COBL: variants seen among roughly 807,000 people sequenced by gnomAD.
COBL encodes protein cordon-bleu.
A neutral mutation model predicts 98.8 loss-of-function variants in COBL; 51 were observed. The ratio of observed to expected loss-of-function variants is 0.52; its 90% CI spans 0.41 to 0.65. The LOEUF (loss-of-function observed/expected upper bound fraction) is 0.65. Ranked by LOEUF, COBL falls within the 30% of genes least tolerant of loss-of-function variation. The pLI is 0.00. For missense variants in COBL, 1,617 were observed against 1,617.5 expected (o/e 1.00, Z 0.01); for synonymous variants, 634 against 651.7 (o/e 0.97, Z 0.41).
intron 7 of COBL, among the ~76,000 whole-genome samples, chr7:51,056,962 C>T (rs1790814538): frequency 6.6e-6 from 1 of 152,152 alleles, no homozygotes; most frequent in Non-Finnish European, 1.5e-5. Flanking sequence ...AACACTTGGT[C>T]AGTTTTGAAT....
At chr7:51,285,806 T>C (rs544356303) in intron 1 of COBL, among the ~76,000 whole-genome samples, 1 of 152,196 alleles carries the variant, frequency 6.6e-6, no homozygotes, top group Admixed American at 6.5e-5. Context: ...AAAATAAGAA[T>C]GTTGGAGGAA....
At chr7:51,030,470 TAA>T (rs1357166711) in intron 9 of COBL, among the ~76,000 whole-genome samples, 1 of 152,194 alleles carries the variant, frequency 6.6e-6, no homozygotes, top group African/African-American at 2.4e-5. Flanking sequence ...ATCAACAAAT[TAA>T]GAGAAGTCTT....
intron 1 of COBL, among the ~76,000 whole-genome samples, chr7:51,228,110 C>T (rs1794380427): frequency 6.6e-6 from 1 of 152,116 alleles, no homozygotes; most frequent in Non-Finnish European, 1.5e-5. Context: ...CACCATCCAC[C>T]ACATCCTGGT....
In COBL at chr7:51,054,627, G is replaced by A. The variant is rs1165727635; in HGVS notation, c.1097-10935C>T. ...CTCTGCCGCTTGGCCAGGGGCCCTC[G>A]GAACCCCTAAGGGAGGCCCCAGATG... On this transcript the variant is annotated intron_variant, in intron 7 of 12. Transcript: ENST00000265136. Among the ~76,000 whole-genome samples, 7 of 152,226 alleles carry A rather than the reference G, an allele frequency of 4.6e-5. No homozygotes were observed. The South Asian group carries it at 6.2e-4, about 14-fold the overall frequency.
chr7:51,316,737 C>T lies in COBL; in HGVS notation c.-104G>A, dbSNP rs907387891. 2.2e-6 allele frequency: 2 copies of T among 916,902 alleles called. No homozygotes were observed. The allele number at this position is 916,902 out of a possible 1,614,324, so 56.8% of individuals were successfully genotyped here. A position where few individuals can be genotyped will look rare whatever the true frequency, so the allele number is the denominator to read the frequency against. On this transcript the variant is annotated 5_prime_UTR_variant, in exon 1 of 13. The change abolishes an upstream ATG in the 5' untranslated region. Transcript: ENST00000265136. ...CTCATTCACTTTTTCCGCGCTGACC[C>T]ATCGTCCTCCCACGCGGGCCGGCGG...
intron 7 of COBL, among the ~76,000 whole-genome samples, chr7:51,084,322 G>T (rs1038827407): frequency 6.6e-6 from 1 of 152,040 alleles, no homozygotes; most frequent in South Asian, 2.1e-4. Context: ...TGGGTTAAAG[G>T]GCATGGTGAG....
At chr7:51,021,833 G>A (rs1209193501) in intron 12 of COBL, among the ~76,000 whole-genome samples, 1 of 152,200 alleles carries the variant, frequency 6.6e-6, no homozygotes, top group Admixed American at 6.5e-5. Flanking sequence ...AATCGCAAAT[G>A]TCTCCTGTGA....
intron 2 of COBL, among the ~76,000 whole-genome samples, chr7:51,211,449 A>G (rs1342943348): frequency 6.6e-6 from 1 of 152,248 alleles, no homozygotes; most frequent in Non-Finnish European, 1.5e-5. Context: ...TACGTGAAGT[A>G]ACATTTTTAA....
chr7:51,061,981 A>ACACACACACACACTCT (rs1322943132), intron 7 of COBL, among the ~76,000 whole-genome samples: 1 of 150,506 alleles, frequency 6.6e-6, no homozygotes, highest in African/African-American at 2.5e-5. Flanking sequence ...ACACACACAC[A>ACACACACACACACTCT]CTCATAAATA....
chr7:51,215,760 A>G (rs918640423), intron 2 of COBL, among the ~76,000 whole-genome samples: 23 of 152,234 alleles, frequency 1.5e-4, no homozygotes, highest in Non-Finnish European at 1.6e-4. Context: ...GGCCAAGGCC[A>G]TGACCTTTCA....
intron 2 of COBL, among the ~76,000 whole-genome samples, chr7:51,214,412 T>A (rs1258098147): frequency 6.6e-6 from 1 of 152,178 alleles, no homozygotes; most frequent in East Asian, 1.9e-4. Flanking sequence ...CCAGATGGGA[T>A]GTGTTACCTG....
chr7:51,303,258 C>T (rs1483043426), intron 1 of COBL, among the ~76,000 whole-genome samples: 1 of 152,108 alleles, frequency 6.6e-6, no homozygotes, highest in Non-Finnish European at 1.5e-5. Context: ...GAAAGCCCAT[C>T]ATCCAAAATC....
Position 51,028,997 on chromosome 7 carries a change from C to T in COBL, c.2099G>A (p.Arg700Lys). Reference protein sequence around the residue: ...QRGQNPGKSYRLKHGLTTYKI... With the variant: ...QRGQNPGKSYKLKHGLTTYKI... ...ATACGTTGTGAGGCCGTGCTTAAGT[C>T]TGTAGCTTTTCCCTGGGTTTTGGCC... Residue 700 changes from arginine to lysine, a missense_variant, in exon 10 of 13, where the codon AGA (arginine) becomes AAA (lysine). Transcript: ENST00000265136. The T allele has an allele frequency of 6.2e-7, 1 of 1,614,158 alleles. No individual in the cohort carries two copies. Among genetic ancestry groups the T allele is most frequent in the Non-Finnish European group, 8.5e-7 (1 of 1,180,050 alleles).
chr7:51,068,784 C>T (rs1792227918), intron 7 of COBL, among the ~76,000 whole-genome samples: 1 of 152,170 alleles, frequency 6.6e-6, no homozygotes. Flanking sequence ...CCAGAAATCC[C>T]CATCAATGTT....
At chr7:51,093,224 C>T (rs796646329) in intron 6 of COBL, among the ~76,000 whole-genome samples, 1 of 152,154 alleles carries the variant, frequency 6.6e-6, no homozygotes, top group African/African-American at 2.4e-5. Context: ...AGAATGTGAA[C>T]AGACATTTTG....
intron 5 of COBL, among the ~76,000 whole-genome samples, chr7:51,177,815 T>A (rs940034523): frequency 1.6e-4 from 23 of 147,526 alleles, no homozygotes; most frequent in Non-Finnish European, 2.4e-4. Flanking sequence ...AATAAATAAA[T>A]AAAAATTTAA....
At chr7:51,255,913 G>A (rs1057267441) in intron 1 of COBL, among the ~76,000 whole-genome samples, 1 of 152,142 alleles carries the variant, frequency 6.6e-6, no homozygotes, top group Non-Finnish European at 1.5e-5. Flanking sequence ...CAGAGTTTGA[G>A]AAGCCCAGCT....
chr7:51,215,657 G>T (rs955690997), intron 2 of COBL, among the ~76,000 whole-genome samples: 4 of 152,228 alleles, frequency 2.6e-5, no homozygotes, highest in Non-Finnish European at 5.9e-5. Flanking sequence ...AGCCTTCTTG[G>T]GGCCTACTCA....
chr7:51,314,786 G>T (rs560494817), intron 1 of COBL, among the ~76,000 whole-genome samples: 3 of 152,150 alleles, frequency 2.0e-5, no homozygotes, highest in Non-Finnish European at 4.4e-5. Flanking sequence ...AATGCATCAG[G>T]AATAATTTCA....
Sources: gnomAD v4.1 joint callset for allele counts (sites outside exome capture counted in the v4.1 genomes callset) on GRCh38, gnomAD v4.1.1 for gene constraint, MANE v1.5 for transcripts, NCBI Gene and HGNC (gene_info 2026-07-23, HGNC 2026-07-21) for gene names.